The following SLC38A6 variants were observed in gnomAD, a reference collection of about 807,000 sequenced individuals.
SLC38A6 encodes the protein N system amino acid transporter NAT-1.
Under a neutral mutation model 65.0 loss-of-function variants are expected in SLC38A6, and 73 were observed. That is an observed-to-expected ratio of 1.12 (90% CI 0.93 to 1.37). The LOEUF is 1.37. SLC38A6 is among the 40% of genes most tolerant of loss of function. The pLI is 0.00. For synonymous variants in SLC38A6, 183 were observed against 178.8 expected, an observed-to-expected ratio of 1.02 and a Z score of -0.19; for missense variants, 561 against 531.1, an observed-to-expected ratio of 1.06 and a Z score of -0.55.
intron 4 of SLC38A6, among the ~76,000 whole-genome samples, chr14:61,019,077 C>T (rs2040193749): frequency 6.6e-6 from 1 of 152,150 alleles, no homozygotes. Context: ...ATCTCTGGGA[C>T]TGGGATGCTC....
At chr14:61,080,953 A>G (rs1449761166) in intron 16 of SLC38A6, among the ~76,000 whole-genome samples, 1 of 152,212 alleles carries the variant, frequency 6.6e-6, no homozygotes, top group African/African-American at 2.4e-5. Context: ...GAAGGTTCAC[A>G]TTGTTGAGTC....
chr14:61,043,566 G>C, intron 10 of SLC38A6, 63 bp downstream of exon 10: 1 of 1,206,934 alleles, frequency 8.3e-7, no homozygotes, highest in Non-Finnish European at 1.2e-6. Context: ...TAAGAGGTTT[G>C]TGTAACAGGG....
At chr14:60,986,821 T>G (rs1267729355) in intron 3 of SLC38A6, among the ~76,000 whole-genome samples, 1 of 152,236 alleles carries the variant, frequency 6.6e-6, no homozygotes, top group East Asian at 1.9e-4. Flanking sequence ...TCAAGCTTCA[T>G]TTTAAAACTT....
chr14:61,027,026 C>T (rs181925143), intron 5 of SLC38A6, among the ~76,000 whole-genome samples: 19 of 152,214 alleles, frequency 1.2e-4, no homozygotes, highest in South Asian at 1.0e-3. Context: ...ATATTAACAC[C>T]TTGCAACTTG....
At chr14:61,044,863 A>G (rs908694019) in intron 10 of SLC38A6, among the ~76,000 whole-genome samples, 12 of 152,234 alleles carry the variant, frequency 7.9e-5, no homozygotes, top group African/African-American at 2.9e-4. Flanking sequence ...AATGTGATTA[A>G]TATTTTCAGT....
chr14:60,989,058 CTT>C (rs2037666975), intron 3 of SLC38A6, among the ~76,000 whole-genome samples: 1 of 152,164 alleles, frequency 6.6e-6, no homozygotes, highest in Non-Finnish European at 1.5e-5. Context: ...ACCTTCGACA[CTT>C]TTTTCTTTGA....
chr14:61,069,634 T>C (rs1434712739), intron 15 of SLC38A6, among the ~76,000 whole-genome samples: 3 of 152,188 alleles, frequency 2.0e-5, no homozygotes, highest in Non-Finnish European at 4.4e-5. Context: ...CCCACTTCTG[T>C]AAACACTTTA....
At chr14:61,048,616 A>C (rs925982687) in intron 12 of SLC38A6, among the ~76,000 whole-genome samples, 1 of 152,178 alleles carries the variant, frequency 6.6e-6, no homozygotes, top group African/African-American at 2.4e-5. Flanking sequence ...TTTGTAATAA[A>C]TCTAGTTCTT....
chr14:60,997,032 T>A (rs2038346708), intron 3 of SLC38A6, among the ~76,000 whole-genome samples: 1 of 152,100 alleles, frequency 6.6e-6, no homozygotes. Context: ...AAACAAGGAA[T>A]CAGGCACAGG....
chr14:61,082,926 C>CAA lies in SLC38A6; in HGVS notation c.1409-628_1409-627insAA, dbSNP rs57255840. ...TGTTTCCTCAGAATGACCCTATAGA[C>CAA]ACAGTGTTTTCTCAGTGTCCTCTCA... On this transcript the variant is annotated intron_variant, in intron 16 of 16. Coordinates refer to the SLC38A6 transcript ENST00000354886. Among the ~76,000 whole-genome samples the CAA allele has an allele frequency of 3.1e-3, 476 of 152,318 alleles. 4 individuals carry two copies. Among genetic ancestry groups the CAA allele is most frequent in the African/African-American group, 0.011 (457 of 41,572 alleles).
At chr14:61,074,265 A>G (rs145765595) in intron 15 of SLC38A6, among the ~76,000 whole-genome samples, 26 of 152,366 alleles carry the variant, frequency 1.7e-4, no homozygotes, top group Admixed American at 1.6e-3. Context: ...CAGTAAGTAA[A>G]GTTGAAAATT....
Position 61,023,487 on chromosome 14 carries a change from C to T in SLC38A6, c.403+3907C>T, listed in dbSNP as rs937870473. ...ACTCAGGTGGCTGAGGCAGGAAAAT[C>T]GTTTAAACCCGGTAGACGGAGGTTG... On this transcript the variant is annotated intron_variant, in intron 5 of 15. Coordinates refer to ENST00000267488, the MANE Select transcript of SLC38A6 (RefSeq NM_153811.3). Among the ~76,000 whole-genome samples, 11 of 151,528 alleles carry T rather than the reference C, an allele frequency of 7.3e-5. No individual in the cohort carries two copies. In the East Asian group the frequency reaches 1.9e-3, roughly 27 times the overall value.
chr14:61,071,465 C>T (rs752412066), intron 15 of SLC38A6, among the ~76,000 whole-genome samples: 10 of 151,946 alleles, frequency 6.6e-5, no homozygotes, highest in Non-Finnish European at 1.5e-4. Context: ...GTGGATCACT[C>T]GAGCCCAGAA....
At chr14:61,049,852 C>T (rs1466355784) in intron 12 of SLC38A6, among the ~76,000 whole-genome samples, 2 of 152,092 alleles carry the variant, frequency 1.3e-5, no homozygotes, top group African/African-American at 4.8e-5. Flanking sequence ...GTTAGGGAGA[C>T]ATTGTGAGAA....
At chr14:61,070,294 G>T (rs149418106) in intron 15 of SLC38A6, among the ~76,000 whole-genome samples, 2 of 152,162 alleles carry the variant, frequency 1.3e-5, no homozygotes, top group Non-Finnish European at 2.9e-5. Context: ...TTGTACCAAG[G>T]AATCATGTAG....
Position 61,045,435 on chromosome 14 carries a change from A to G in SLC38A6, c.824+10A>G. ...ACTGTGAACTTCAAAGGTACTGTAG[A>G]ATCCTGGAATATTTTAAATATATTG... is the stretch of plus-strand genomic sequence containing the variant. On this transcript the variant is annotated intron_variant, in intron 11 of 15. Coordinates refer to ENST00000267488, the MANE Select transcript of SLC38A6 (RefSeq NM_153811.3). 1 of 1,577,872 alleles carries G rather than the reference A, an allele frequency of 6.3e-7. No homozygotes were observed. The highest frequency in any genetic ancestry group is 1.7e-5 in the Admixed American group (1 of 58,392).
chr14:61,012,401 C>A (rs573501265), intron 3 of SLC38A6, among the ~76,000 whole-genome samples: 2 of 151,958 alleles, frequency 1.3e-5, no homozygotes, highest in Admixed American at 6.6e-5. Context: ...CTGCTCTGAT[C>A]TTAGTTATTT....
intron 5 of SLC38A6, among the ~76,000 whole-genome samples, chr14:61,019,892 T>C (rs374885886): frequency 6.6e-6 from 1 of 152,132 alleles, no homozygotes; most frequent in Admixed American, 6.6e-5. Flanking sequence ...CTGGTGATTT[T>C]AAAATATTTT....
At chr14:61,015,368 C>T (rs7159806) in intron 3 of SLC38A6, among the ~76,000 whole-genome samples, 99,998 of 151,846 alleles carry the variant, frequency 0.66, 33,156 homozygotes, top group Non-Finnish European at 0.69. Context: ...GGCTCATGCT[C>T]GGTTCACTGC....
Sources: gnomAD v4.1 joint callset for allele counts (sites outside exome capture counted in the v4.1 genomes callset) on GRCh38, gnomAD v4.1.1 for gene constraint, MANE v1.5 for transcripts, NCBI Gene and HGNC (gene_info 2026-07-23, HGNC 2026-07-21) for gene names.